MAPK1IP1L: variants seen among roughly 807,000 people sequenced by gnomAD.
MAPK1IP1L encodes mitogen-activated protein kinase 1 interacting protein 1 like, also known as MAPK-interacting and spindle-stabilizing protein-like.
Under a neutral mutation model 18.1 loss-of-function variants are expected in MAPK1IP1L, and 10 were observed. That is an observed-to-expected ratio of 0.55 (90% CI 0.34 to 0.94). The LOEUF is 0.94. MAPK1IP1L is among the 40% of genes least tolerant of loss of function. The pLI is 0.02. For synonymous variants in MAPK1IP1L, 115 were observed against 117.3 expected (o/e 0.98, Z 0.13); for missense variants, 260 against 318.2 (o/e 0.82, Z 1.39).
chr14:55,057,712 C>T (rs1328814896), intron 1 of MAPK1IP1L, among the ~76,000 whole-genome samples: 5 of 151,400 alleles, frequency 3.3e-5, no homozygotes, highest in African/African-American at 7.3e-5. Flanking sequence ...ACCAAGATCG[C>T]GCCACTGCAC....
In MAPK1IP1L at chr14:55,063,049, T is replaced by C; in HGVS notation, c.450T>C (p.Ser150=). The stretch of plus-strand genomic sequence containing the variant: ...TAGGTCCATGGGGATCCATGTCTTC[T>C]GGACCTTGGGCGCCAGGAATGGGAG... The part of the protein sequence containing the change: ...GPLGPWGSMS[S]GPWAPGMGGQ... Residue 150 remains serine, a synonymous_variant, in exon 3 of 4, where the codon TCT becomes TCC. Transcript: ENST00000395468. The C allele has an allele frequency of 9.3e-6, 15 of 1,613,942 alleles. No individual in the cohort carries two copies. The highest frequency in any genetic ancestry group is 1.2e-5 in the Non-Finnish European group (14 of 1,179,940).
intron 1 of MAPK1IP1L, among the ~76,000 whole-genome samples, chr14:55,052,812 G>A (rs900422996): frequency 3.9e-5 from 6 of 152,212 alleles, no homozygotes; most frequent in Non-Finnish European, 7.3e-5. Flanking sequence ...GGAGTGAATT[G>A]CAAATATTGG....
intron 1 of MAPK1IP1L, among the ~76,000 whole-genome samples, chr14:55,052,994 A>G (rs1294483692): frequency 1.3e-5 from 2 of 152,234 alleles, no homozygotes; most frequent in Non-Finnish European, 2.9e-5. Flanking sequence ...GGGGCACCCC[A>G]TAATCCAACA....
chr14:55,051,848 G>A (rs1318385168), intron 1 of MAPK1IP1L, 45 bp downstream of exon 1: 1 of 443,820 alleles, frequency 2.3e-6, no homozygotes, highest in Non-Finnish European at 4.5e-6. Context: ...GGGGAATCGG[G>A]GAGCTGGGGT....
Position 55,062,727 on chromosome 14 carries a change from C to T in MAPK1IP1L, c.128C>T (p.Pro43Leu), listed in dbSNP as rs771559540. 4.9e-5 allele frequency: 79 copies of T among 1,614,166 alleles called. No homozygotes were observed. The Admixed American group carries it at 1.1e-3, about 22-fold the overall frequency. Residue 43 changes from proline to leucine, a missense_variant, in exon 3 of 4, where the codon CCG (proline) becomes CTG (leucine). Pro to Leu is a moderately conservative substitution (Grantham distance 98, BLOSUM62 -3). Coordinates refer to ENST00000395468, the MANE Select transcript of MAPK1IP1L (RefSeq NM_144578.4). ...GWPGSNPWNNPSAPSSVPSGL... is the reference protein window; with the variant it reads ...GWPGSNPWNNLSAPSSVPSGL... Reference sequence around the variant, plus strand: ...CCAGGCTCCAACCCTTGGAATAATCCGAGTGCTCCATCTTCAGTGCCATCT... The same window carrying T: ...CCAGGCTCCAACCCTTGGAATAATCTGAGTGCTCCATCTTCAGTGCCATCT...
intron 1 of MAPK1IP1L, among the ~76,000 whole-genome samples, chr14:55,057,586 G>A (rs1289872283): frequency 8.6e-5 from 13 of 151,944 alleles, no homozygotes; most frequent in Non-Finnish European, 1.8e-4. Context: ...GTGAAACCCC[G>A]TCTCTACTAA....
At position 55,070,138 on chromosome 14, in the gene MAPK1IP1L, C is replaced by A. The variant is rs1440327202; in HGVS notation, c.*5511C>A. ...TTATTCAATATCCCATGAAAGTATTCACCTAAAGTGGAGTTATGAAATGGA... is the reference window on the plus strand; with the variant it reads ...TTATTCAATATCCCATGAAAGTATTAACCTAAAGTGGAGTTATGAAATGGA... On this transcript the variant is annotated 3_prime_UTR_variant, in exon 4 of 4. Transcript: ENST00000395468. 6.6e-6 allele frequency: 1 copy of A among 152,162 alleles called. No homozygotes were observed. Among genetic ancestry groups the A allele is most frequent in the Non-Finnish European group, 1.5e-5 (1 of 68,022 alleles). 9.4% of individuals were successfully genotyped at this position (152,162 alleles called of 1,614,324 possible). A position where few individuals can be genotyped will look rare whatever the true frequency, so the allele number is the denominator to read the frequency against.
At chr14:55,054,263 G>A (rs777210131) in intron 1 of MAPK1IP1L, among the ~76,000 whole-genome samples, 2 of 141,720 alleles carry the variant, frequency 1.4e-5, no homozygotes, top group Non-Finnish European at 3.0e-5. Context: ...TCAGCCTATC[G>A]AAGCGAAGTA....
At position 55,067,390 on chromosome 14, in the gene MAPK1IP1L, A is replaced by G. The variant is rs961109327; in HGVS notation, c.*2763A>G. ...TTTTAGTGGAGAAATGGGGAACAGC[A>G]TCAAGAAAGGCTTTTTTCCTTTTTT... is the stretch of plus-strand genomic sequence containing the variant. On this transcript the variant is annotated 3_prime_UTR_variant, in exon 4 of 4. Coordinates refer to ENST00000395468, the MANE Select transcript of MAPK1IP1L (RefSeq NM_144578.4). 6.6e-6 allele frequency: 1 copy of G among 151,864 alleles called. No homozygotes were observed. Among genetic ancestry groups the G allele is most frequent in the Non-Finnish European group, 1.5e-5 (1 of 67,986 alleles). 9.4% of individuals were successfully genotyped at this position (151,864 alleles called of 1,614,324 possible).
At chr14:55,062,373 A>G (rs2042824352) in intron 2 of MAPK1IP1L, among the ~76,000 whole-genome samples, 2 of 152,218 alleles carry the variant, frequency 1.3e-5, no homozygotes, top group South Asian at 2.1e-4. Context: ...ATGAAGCACA[A>G]TATGATTAGT....
In MAPK1IP1L at chr14:55,059,980, A is replaced by G. The variant is rs574654041; in HGVS notation, c.-4-1700A>G. Among the ~76,000 whole-genome samples, 15 of 152,266 alleles carry G rather than the reference A, an allele frequency of 9.9e-5. No individual in the cohort carries two copies. The South Asian group carries it at 2.9e-3, about 29-fold the overall frequency. ...GGTTTTAAACAAGAAGTTAAACCAT[A>G]AAAATACTATATGAAAGCAAGGCAG... On this transcript the variant is annotated intron_variant, in intron 1 of 3. Transcript: ENST00000395468.
intron 2 of MAPK1IP1L, among the ~76,000 whole-genome samples, 196 bp from the exon 3 acceptor site, chr14:55,062,422 G>A (rs538721438): frequency 6.6e-6 from 1 of 152,324 alleles, no homozygotes; most frequent in East Asian, 1.9e-4. Context: ...AATTTGCACT[G>A]TAAAGTTGAT....
intron 1 of MAPK1IP1L, among the ~76,000 whole-genome samples, chr14:55,058,707 C>T (rs1045331181): frequency 1.3e-5 from 2 of 151,874 alleles, no homozygotes; most frequent in Non-Finnish European, 2.9e-5. Context: ...CGGCGCTTGC[C>T]TATAATCCCA....
intron 2 of MAPK1IP1L, among the ~76,000 whole-genome samples, 180 bp downstream of exon 2, chr14:55,061,881 T>G (rs1443117054): frequency 6.6e-6 from 1 of 152,236 alleles, no homozygotes; most frequent in East Asian, 1.9e-4. Flanking sequence ...CAGGCTGCAG[T>G]GAGCCATGAT....
At chr14:55,057,554 G>A (rs554233864) in intron 1 of MAPK1IP1L, among the ~76,000 whole-genome samples, 3 of 151,916 alleles carry the variant, frequency 2.0e-5, no homozygotes, top group Non-Finnish European at 4.4e-5. Flanking sequence ...GTCAAGAGAT[G>A]GAGACCATCC....
Position 55,062,958 on chromosome 14 carries a change from A to G in MAPK1IP1L, c.359A>G (p.Asn120Ser), listed in dbSNP as rs767065849. The part of the protein sequence containing the change: ...PGPTGPYPTP[N>S]MPFPELPRPY... ...CCCACAGGGCCATATCCTACACCAA[A>G]TATGCCCTTTCCAGAGCTACCCAGA... is the stretch of plus-strand genomic sequence containing the variant. The change falls in exon 3 of 4, where the codon AAT (asparagine) becomes AGT (serine). Residue 120 changes from asparagine to serine, a missense_variant. Asn to Ser is a conservative substitution (Grantham distance 46). Transcript: ENST00000395468. The G allele has an allele frequency of 2.5e-6, 4 of 1,613,204 alleles. No homozygotes were observed. The highest frequency in any genetic ancestry group is 3.4e-6 in the Non-Finnish European group (4 of 1,179,404).
intron 1 of MAPK1IP1L, among the ~76,000 whole-genome samples, chr14:55,052,202 T>C (rs2140255689): frequency 6.9e-6 from 1 of 145,728 alleles, no homozygotes; most frequent in South Asian, 2.3e-4. Flanking sequence ...TGTTCGTGCG[T>C]CCCTAAACGG....
At chr14:55,060,684 C>CT (rs1264774404) in intron 1 of MAPK1IP1L, 1 of 152,188 alleles carries the variant, frequency 6.6e-6, no homozygotes, top group Non-Finnish European at 1.5e-5. Context: ...CATGAGTAAA[C>CT]TTTCTGGAGT....
chr14:55,062,432 T>C (rs1230707516), intron 2 of MAPK1IP1L, among the ~76,000 whole-genome samples, 186 bp from the exon 3 acceptor site: 1 of 152,236 alleles, frequency 6.6e-6, no homozygotes, highest in Non-Finnish European at 1.5e-5. Context: ...GTAAAGTTGA[T>C]ACGCAAAGTA....
Sources: gnomAD v4.1 joint callset for allele counts (sites outside exome capture counted in the v4.1 genomes callset) on GRCh38, gnomAD v4.1.1 for gene constraint, MANE v1.5 for transcripts, NCBI Gene and HGNC (gene_info 2026-07-23, HGNC 2026-07-21) for gene names.